ARL15: variants seen among roughly 807,000 people sequenced by gnomAD.
ARL15 encodes the protein ADP-ribosylation factor-like protein 15.
ARL15 carries 19 observed loss-of-function variants against 25.2 expected under a neutral mutation model. The observed-to-expected ratio is 0.75, with a 90% CI of 0.53 to 1.10. The LOEUF is 1.10. Among genes scored for constraint, ARL15 ranks in the 50% least tolerant of loss-of-function variants. The pLI is 0.00. For missense variants in ARL15, 220 were observed against 246.0 expected, an observed-to-expected ratio of 0.89 and a Z score of 0.71; for synonymous variants, 94 against 86.8, an observed-to-expected ratio of 1.08 and a Z score of -0.46.
intron 1 of ARL15, among the ~76,000 whole-genome samples, chr5:54,258,211 G>T (rs1211327850): frequency 1.3e-5 from 2 of 151,856 alleles, no homozygotes; most frequent in Admixed American, 6.6e-5. Context: ...GGTGGTGTAT[G>T]CCTGAAGTCC....
At chr5:54,224,310 C>G (rs899658986) in intron 1 of ARL15, among the ~76,000 whole-genome samples, 3 of 152,026 alleles carry the variant, frequency 2.0e-5, no homozygotes, top group African/African-American at 7.2e-5. Context: ...GATGACAAGG[C>G]AGATGGCATC....
At chr5:54,218,647 C>T (rs1388573814) in intron 1 of ARL15, among the ~76,000 whole-genome samples, 1 of 152,120 alleles carries the variant, frequency 6.6e-6, no homozygotes, top group Non-Finnish European at 1.5e-5. Flanking sequence ...TCGTGGGGCA[C>T]ACTGACATCC....
Position 54,289,748 on chromosome 5 carries a change from T to C in ARL15, c.48+20684A>G, listed in dbSNP as rs528512052. 2.4e-4 allele frequency among the ~76,000 whole-genome samples: 37 copies of C among 152,346 alleles called. 1 individual carries two copies. The highest frequency in any genetic ancestry group is 8.9e-4 in the African/African-American group (37 of 41,572). On this transcript the variant is annotated intron_variant, in intron 1 of 4. Transcript: ENST00000504924. ...TTTGTCATTTGTAAAATGAGGATCA[T>C]AGTAGTACCTATTTCATTGGGTACT...
intron 2 of ARL15, among the ~76,000 whole-genome samples, chr5:54,168,763 T>C (rs1754645185): frequency 6.6e-6 from 1 of 152,194 alleles, no homozygotes; most frequent in Non-Finnish European, 1.5e-5. Context: ...AAATGTAACC[T>C]TAACTATGAG....
intron 3 of ARL15, among the ~76,000 whole-genome samples, chr5:54,137,469 T>A (rs2112298024): frequency 6.6e-6 from 1 of 152,328 alleles, no homozygotes; most frequent in Admixed American, 6.5e-5. Flanking sequence ...TTGACACCTC[T>A]TTAAACTGGT....
At chr5:54,083,418 C>T (rs1317954131) in intron 4 of ARL15, among the ~76,000 whole-genome samples, 2 of 152,074 alleles carry the variant, frequency 1.3e-5, no homozygotes, top group Non-Finnish European at 2.9e-5. Flanking sequence ...GGATTGAGTG[C>T]TCATTTGATT....
At chr5:54,197,736 A>G (rs1755593020) in intron 1 of ARL15, among the ~76,000 whole-genome samples, 1 of 152,152 alleles carries the variant, frequency 6.6e-6, no homozygotes, top group Non-Finnish European at 1.5e-5. Context: ...AGCTGGTACC[A>G]TTCCTTCTGA....
intron 3 of ARL15, among the ~76,000 whole-genome samples, chr5:54,119,368 G>T (rs1024952357): frequency 6.6e-6 from 1 of 152,058 alleles, no homozygotes; most frequent in Admixed American, 6.6e-5. Flanking sequence ...GCAGCAAGAA[G>T]ACCCTTGCCA....
chr5:54,205,427 ATTCCAGCTAGTTTG>A (rs1160388878), intron 1 of ARL15, among the ~76,000 whole-genome samples: 1 of 152,160 alleles, frequency 6.6e-6, no homozygotes, highest in East Asian at 1.9e-4. Flanking sequence ...ATAAAAAGGT[ATTCCAGCTAGTTTG>A]TTCCAAACAG....
At chr5:54,066,172 T>A (rs983177774) in intron 4 of ARL15, among the ~76,000 whole-genome samples, 1 of 152,216 alleles carries the variant, frequency 6.6e-6, no homozygotes, top group African/African-American at 2.4e-5. Context: ...CACATCTGTC[T>A]GAGTGCAAAG....
Position 54,163,355 on chromosome 5 carries a change from G to GTTTTTTTTTTTTTTTTT in ARL15, c.193+8428_193+8429insAAAAAAAAAAAAAAAAA, listed in dbSNP as rs1754465268. On this transcript the variant is annotated intron_variant, in intron 2 of 4. Coordinates refer to ENST00000504924, the MANE Select transcript of ARL15 (RefSeq NM_019087.3). ...TGTCCATGAGGGCTATTGGTATGAA[G>GTTTTTTTTTTTTTTTTT]CTTTTTTTTTTTTTTTTTTTTTTTT... 4.0e-3 allele frequency among the ~76,000 whole-genome samples: 206 copies of GTTTTTTTTTTTTTTTTT among 51,346 alleles called. 92 individuals carry two copies. The highest frequency in any genetic ancestry group is 0.01 in the African/African-American group (124 of 12,092). The allele number at this position is 51,346 out of a possible 152,430, so 33.7% of individuals were successfully genotyped here.
At chr5:53,960,408 A>C (rs1004396296) in intron 4 of ARL15, among the ~76,000 whole-genome samples, 2 of 152,214 alleles carry the variant, frequency 1.3e-5, no homozygotes, top group Admixed American at 6.5e-5. Context: ...TCAGTGAAAG[A>C]ATCTTACGGC....
At chr5:53,958,242 T>C (rs1053277920) in intron 4 of ARL15, among the ~76,000 whole-genome samples, 24 of 151,436 alleles carry the variant, frequency 1.6e-4, no homozygotes, top group African/African-American at 4.9e-4. Flanking sequence ...TTTAAACATA[T>C]GTTAATGGGC....
At chr5:54,114,266 C>T (rs996187513) in intron 3 of ARL15, among the ~76,000 whole-genome samples, 10 of 151,698 alleles carry the variant, frequency 6.6e-5, no homozygotes, top group Middle Eastern at 3.4e-3. Context: ...GGCGTGGCGG[C>T]GGGTGCCTGT....
intron 1 of ARL15, among the ~76,000 whole-genome samples, chr5:54,210,713 G>C (rs1756016433): frequency 6.6e-6 from 1 of 152,218 alleles, no homozygotes; most frequent in African/African-American, 2.4e-5. Context: ...TATTTGAATT[G>C]ACTAATCCTC....
chr5:53,970,882 C>T (rs1747730266), intron 4 of ARL15, among the ~76,000 whole-genome samples: 1 of 152,136 alleles, frequency 6.6e-6, no homozygotes, highest in African/African-American at 2.4e-5. Context: ...TGCCAAGAGA[C>T]ATTTAAAATA....
intron 1 of ARL15, among the ~76,000 whole-genome samples, chr5:54,290,277 A>G (rs1191694982): frequency 6.6e-6 from 1 of 151,778 alleles, no homozygotes; most frequent in Admixed American, 6.6e-5. Context: ...TCTACATTAT[A>G]TAAGATTATA....
chr5:54,211,549 C>G (rs1756043258), intron 1 of ARL15, among the ~76,000 whole-genome samples: 1 of 148,674 alleles, frequency 6.7e-6, no homozygotes, highest in South Asian at 2.1e-4. Flanking sequence ...CAGCTCACGG[C>G]AACCTCTGCC....
At chr5:53,987,792 A>T (rs1748344907) in intron 4 of ARL15, among the ~76,000 whole-genome samples, 1 of 152,128 alleles carries the variant, frequency 6.6e-6, no homozygotes, top group Non-Finnish European at 1.5e-5. Flanking sequence ...CTCTACAAAA[A>T]TAAAAATTAA....
Sources: allele counts gnomAD v4.1 joint callset (sites outside exome capture counted in the v4.1 genomes callset), GRCh38; gene constraint gnomAD v4.1.1; transcripts MANE v1.5; gene names NCBI Gene and HGNC (gene_info 2026-07-23, HGNC 2026-07-21).